Variants in ARHGAP26 observed in about 807,000 individuals in gnomAD.
ARHGAP26 encodes rho GTPase-activating protein 26.
A neutral mutation model predicts 104.8 loss-of-function variants in ARHGAP26; 38 were observed. The observed-to-expected ratio is 0.36, with a 90% CI of 0.28 to 0.48. ARHGAP26 has a LOEUF of 0.48. Ranked by LOEUF, ARHGAP26 falls within the 20% of genes least tolerant of loss-of-function variation. The probability of loss-of-function intolerance (pLI) is 0.99; values close to 1 mark genes in which losing one functional copy is unlikely to be tolerated. For missense variants in ARHGAP26, 704 were observed against 947.9 expected (o/e 0.74, Z 3.38); for synonymous variants, 341 against 340.0 (o/e 1.00, Z -0.03).
At chr5:143,019,442 C>T (rs1412378288) in intron 12 of ARHGAP26, among the ~76,000 whole-genome samples, 1 of 152,082 alleles carries the variant, frequency 6.6e-6, no homozygotes. Flanking sequence ...GTCTTTTTGT[C>T]TTTTTGCTGT....
At chr5:143,002,033 C>T (rs1044489985) in intron 11 of ARHGAP26, among the ~76,000 whole-genome samples, 2 of 152,198 alleles carry the variant, frequency 1.3e-5, no homozygotes, top group African/African-American at 4.8e-5. Context: ...TTCTGCCTCT[C>T]CAAGGGGCAT....
Position 142,958,921 on chromosome 5 carries a change from A to AAAAG in ARHGAP26, c.1107+26799_1107+26800insGAAA, listed in dbSNP as rs1491143118. Among the ~76,000 whole-genome samples the AAAAG allele has an allele frequency of 1.6e-4, 16 of 101,850 alleles. No homozygotes were observed. In the East Asian group the frequency reaches 0.014, roughly 88 times the overall value. The allele number at this position is 101,850 out of a possible 152,430, so 66.8% of individuals were successfully genotyped here. On this transcript the variant is annotated intron_variant, in intron 11 of 22. Transcript: ENST00000645722. ...CTGTCTCTTAAAAAAAAAAAAAAAGAAAAAAAAAAAGAAAGGAAAATATAT... is the reference window on the plus strand; with the variant it reads ...CTGTCTCTTAAAAAAAAAAAAAAAGAAAAGAAAAAAAAAAGAAAGGAAAATATAT...
chr5:143,093,642 TTC>T (rs1271737600), intron 17 of ARHGAP26, among the ~76,000 whole-genome samples: 1 of 151,836 alleles, frequency 6.6e-6, no homozygotes, highest in Admixed American at 6.6e-5. Context: ...CTCTGCCTCT[TTC>T]TCTCTTTCTT....
intron 1 of ARHGAP26, among the ~76,000 whole-genome samples, chr5:142,858,006 G>T (rs777093932): frequency 6.6e-6 from 1 of 151,158 alleles, no homozygotes; most frequent in Non-Finnish European, 1.5e-5. Flanking sequence ...CAAGAAACAC[G>T]TCTCCAAAGA....
intron 21 of ARHGAP26, among the ~76,000 whole-genome samples, chr5:143,213,244 GCA>G (rs950662975): frequency 1.3e-5 from 2 of 152,208 alleles, no homozygotes; most frequent in Admixed American, 1.3e-4. Context: ...TGTTTCGGAT[GCA>G]CAGTGAGAGT....
intron 1 of ARHGAP26, among the ~76,000 whole-genome samples, chr5:142,807,974 G>A (rs1014045103): frequency 2.0e-5 from 3 of 152,028 alleles, no homozygotes; most frequent in Non-Finnish European, 4.4e-5. Flanking sequence ...GGTGGCTCAC[G>A]CCTGTAATCC....
chr5:142,927,530 T>C (rs1049358598), intron 10 of ARHGAP26, among the ~76,000 whole-genome samples: 4 of 152,140 alleles, frequency 2.6e-5, no homozygotes, highest in Non-Finnish European at 5.9e-5. Flanking sequence ...AATTGTTGTA[T>C]GGTATGCCAT....
chr5:143,057,785 C>A, intron 17 of ARHGAP26, 38 bp downstream of exon 17: 1 of 1,539,002 alleles, frequency 6.5e-7, no homozygotes, highest in Non-Finnish European at 9.0e-7. Flanking sequence ...TTTCTTACCC[C>A]TGAAAGTTCT....
intron 12 of ARHGAP26, among the ~76,000 whole-genome samples, chr5:143,019,797 C>T (rs1362073727): frequency 1.3e-5 from 2 of 152,200 alleles, no homozygotes; most frequent in Admixed American, 6.5e-5. Flanking sequence ...AGAATGCTGC[C>T]CTCCCACTGT....
chr5:143,036,091 T>C (rs1782597798), intron 12 of ARHGAP26, among the ~76,000 whole-genome samples: 1 of 152,174 alleles, frequency 6.6e-6, no homozygotes, highest in Admixed American at 6.5e-5. Flanking sequence ...TTGGATTAGA[T>C]CCAAGGTGAG....
chr5:142,924,156 T>C (rs1763587844), intron 10 of ARHGAP26, among the ~76,000 whole-genome samples: 1 of 152,142 alleles, frequency 6.6e-6, no homozygotes, highest in African/African-American at 2.4e-5. Context: ...TTCTAAATAA[T>C]TGATTAGAAG....
At chr5:143,072,630 T>C (rs1285890513) in intron 17 of ARHGAP26, among the ~76,000 whole-genome samples, 3 of 152,220 alleles carry the variant, frequency 2.0e-5, no homozygotes, top group Non-Finnish European at 2.9e-5. Flanking sequence ...AAGAACATTA[T>C]ACTAAGTGAA....
intron 10 of ARHGAP26, chr5:142,922,095 C>G (rs1414108811): frequency 6.6e-6 from 1 of 152,162 alleles, no homozygotes; most frequent in East Asian, 1.9e-4. Flanking sequence ...ATGTGATAAC[C>G]TGTTGTTGAT....
chr5:143,071,225 A>G (rs1483226505), intron 17 of ARHGAP26, among the ~76,000 whole-genome samples: 3 of 152,300 alleles, frequency 2.0e-5, no homozygotes, highest in Admixed American at 1.3e-4. Flanking sequence ...ACCTCAAAAT[A>G]TACTACGAAG....
chr5:142,789,503 A>G (rs951759063), intron 1 of ARHGAP26, among the ~76,000 whole-genome samples: 2 of 152,162 alleles, frequency 1.3e-5, no homozygotes, highest in African/African-American at 2.4e-5. Flanking sequence ...AAGCAACAAC[A>G]TCACATGAGA....
intron 8 of ARHGAP26, among the ~76,000 whole-genome samples, chr5:142,905,811 C>T (rs559135137): frequency 6.6e-6 from 1 of 152,266 alleles, no homozygotes; most frequent in East Asian, 1.9e-4. Flanking sequence ...CGCAATTGAA[C>T]TCTTGCACCA....
intron 11 of ARHGAP26, among the ~76,000 whole-genome samples, chr5:142,948,022 C>T (rs552174642): frequency 1.3e-5 from 2 of 152,070 alleles, no homozygotes; most frequent in Admixed American, 1.3e-4. Context: ...CATAATCATA[C>T]CTTGTGTCTT....
chr5:143,085,139 C>T (rs575646383), intron 17 of ARHGAP26, among the ~76,000 whole-genome samples: 3 of 152,102 alleles, frequency 2.0e-5, no homozygotes, highest in African/African-American at 4.8e-5. Flanking sequence ...GTCCCGGCCC[C>T]GGAAACTCTT....
chr5:143,120,877 C>T (rs1002139481), intron 17 of ARHGAP26, 111 bp from the exon 18 acceptor site: 17 of 1,085,968 alleles, frequency 1.6e-5, no homozygotes, highest in Non-Finnish European at 2.0e-5. Context: ...CAAGTTCTGG[C>T]TCCTACAGAT....
Sources: gnomAD v4.1 joint callset for allele counts (sites outside exome capture counted in the v4.1 genomes callset) on GRCh38, gnomAD v4.1.1 for gene constraint, MANE v1.5 for transcripts, NCBI Gene and HGNC (gene_info 2026-07-23, HGNC 2026-07-21) for gene names.